The following DNAH3 variants were observed in gnomAD, a reference collection of about 807,000 sequenced individuals.
DNAH3 encodes axonemal beta dynein heavy chain 3.
DNAH3 carries 332 observed loss-of-function variants against 432.5 expected under a neutral mutation model. The ratio of observed to expected loss-of-function variants is 0.77; its 90% CI spans 0.70 to 0.84. The LOEUF is 0.84. Ranked by LOEUF, DNAH3 falls within the 40% of genes least tolerant of loss-of-function variation. The pLI, the probability that DNAH3 is intolerant of heterozygous loss-of-function variation, is 0.00. For missense variants in DNAH3, 4,861 were observed against 5,114.0 expected (o/e 0.95, Z 1.51); for synonymous variants, 1,956 against 1,900.2 (o/e 1.03, Z -0.76).
intron 30 of DNAH3, 108 bp from the exon 31 acceptor site, chr16:21,049,790 G>A: frequency 7.4e-7 from 1 of 1,343,884 alleles, no homozygotes. Context: ...TCTGCTTGAA[G>A]GAGCTGGGGC....
intron 11 of DNAH3, 31 bp from the exon 12 acceptor site, chr16:21,117,370 C>G: frequency 7.8e-7 from 1 of 1,277,092 alleles, no homozygotes; most frequent in African/African-American, 1.5e-5. Flanking sequence ...TTGCATGTTG[C>G]AAGACTTAAG....
At chr16:21,136,366 C>G (rs1187274300) in exon 6 of DNAH3, 2 of 1,614,034 alleles carry the variant, frequency 1.2e-6, no homozygotes, top group Non-Finnish European at 1.7e-6. Flanking sequence ...TTCTCCTTCT[C>G]CTGCACGAGG....
At chr16:20,963,485 A>G (rs1254941159) in exon 53 of DNAH3, 1 of 1,614,164 alleles carries the variant, frequency 6.2e-7, no homozygotes, top group Non-Finnish European at 8.5e-7. Context: ...AATCCTTGAG[A>G]GAACTTCCAA....
rs111573522 is a variant in DNAH3, at chr16:20,988,945, C to T, written c.6602-880G>A. 6.6e-3 allele frequency among the ~76,000 whole-genome samples: 1,003 copies of T among 152,182 alleles called. 11 individuals are homozygous for T. The highest frequency in any genetic ancestry group is 0.023 in the African/African-American group (946 of 41,518). On this transcript the variant is annotated intron_variant, in intron 44 of 61. Coordinates refer to ENST00000261383, the Ensembl canonical transcript of DNAH3. The stretch of plus-strand genomic sequence containing the variant: ...CATGTCTGGAGTTATTCGTTCCTCC[C>T]GGTGGACTCGTGGTCTCGCTGGCTT...
intron 23 of DNAH3, among the ~76,000 whole-genome samples, chr16:21,067,804 T>TGAGAGA (rs1555545880): frequency 1.3e-5 from 1 of 75,660 alleles, no homozygotes; most frequent in African/African-American, 5.2e-5. Flanking sequence ...AGAGAGAGAC[T>TGAGAGA]GACTAAGGCA....
chr16:20,947,116 C>T (rs1490949194), intron 57 of DNAH3, among the ~76,000 whole-genome samples: 1 of 152,060 alleles, frequency 6.6e-6, no homozygotes, highest in African/African-American at 2.4e-5. Flanking sequence ...TGAGCCACTG[C>T]ACCTGACCTG....
chr16:21,104,626 C>T (rs2091907645), intron 15 of DNAH3, 32 bp from the exon 16 acceptor site: 1 of 1,330,410 alleles, frequency 7.5e-7, no homozygotes, highest in Non-Finnish European at 1.1e-6. Flanking sequence ...CTCCAGGACA[C>T]TGTTTAGCAT....
In DNAH3 at chr16:21,049,593, G is replaced by A. The variant is rs746058882; in HGVS notation, c.4437C>T (p.Cys1479=). 4 of 1,614,144 alleles carry A rather than the reference G, an allele frequency of 2.5e-6. No individual in the cohort carries two copies. In the Admixed American group the frequency reaches 6.7e-5, roughly 27 times the overall value. ...CCTCGATCCTGTTGAACTCATCAAA[G>A]CACGCCCATGCTCCAGCCTGTGCCA... Residue 1479 remains cysteine (C), a synonymous_variant, in exon 31 of 62, where the codon TGC becomes TGT. Coordinates refer to ENST00000261383, the Ensembl canonical transcript of DNAH3.
In DNAH3 at chr16:21,039,876, G is replaced by A; in HGVS notation, c.4706C>T (p.Ser1569Phe). 3.7e-6 allele frequency: 6 copies of A among 1,613,582 alleles called. No individual in the cohort carries two copies. The highest frequency in any genetic ancestry group is 2.2e-5 in the South Asian group (2 of 91,068). Residue 1569 changes from serine to phenylalanine, a missense_variant, in exon 33 of 62, where the codon TCC becomes TTC. Ser to Phe is a radical substitution (Grantham distance 155). Transcript: ENST00000261383. Reference sequence around the variant, plus strand: ...CCTTCTGGAGTCCAGAAACCCCATGGAGTAGAGGGAGATTTCTCCAATGAG... The same window carrying A: ...CCTTCTGGAGTCCAGAAACCCCATGAAGTAGAGGGAGATTTCTCCAATGAG...
intron 41 of DNAH3, among the ~76,000 whole-genome samples, chr16:21,017,558 AC>A (rs897014437): frequency 6.6e-6 from 1 of 152,172 alleles, no homozygotes; most frequent in Non-Finnish European, 1.5e-5. Flanking sequence ...CACCTCACAT[AC>A]GTTGATTGAT....
chr16:21,150,806 CTT>C (rs2092844873), intron 1 of DNAH3: 1 of 154,292 alleles, frequency 6.5e-6, no homozygotes, highest in Non-Finnish European at 1.4e-5. Flanking sequence ...TCCCTGGACT[CTT>C]AACACTGGCA....
intron 51 of DNAH3, among the ~76,000 whole-genome samples, chr16:20,970,642 ATTGT>A (rs947128602): frequency 2.6e-5 from 4 of 152,294 alleles, no homozygotes; most frequent in East Asian, 1.9e-4. Flanking sequence ...GAGCAATCGG[ATTGT>A]TTGAGAGGTA....
rs560291777 is a variant in DNAH3 at position 21,046,804 on chromosome 16, C to T, written c.4461+2765G>A. Among the ~76,000 whole-genome samples the T allele has an allele frequency of 5.0e-3, 755 of 152,108 alleles. 4 individuals are homozygous for T. Among genetic ancestry groups the T allele is most frequent in the Middle Eastern group, 0.027 (8 of 294 alleles). On this transcript the variant is annotated intron_variant, in intron 31 of 61. Transcript: ENST00000261383. ...TTTACATTTTGGCATGATTTCGCAG[C>T]GGCTGGTACCGGTTGTTCCTTTCCA... is the stretch of plus-strand genomic sequence containing the variant.
intron 53 of DNAH3, among the ~76,000 whole-genome samples, chr16:20,960,224 A>G (rs1480342961): frequency 1.3e-5 from 2 of 152,288 alleles, no homozygotes; most frequent in East Asian, 3.9e-4. Flanking sequence ...TCATGGATAC[A>G]TAGTATATCA....
intron 42 of DNAH3, 32 bp from the exon 43 acceptor site, chr16:21,000,550 T>G: frequency 6.4e-7 from 1 of 1,556,454 alleles, no homozygotes; most frequent in Non-Finnish European, 8.7e-7. Context: ...GAGTCTCGGT[T>G]GTGGGCCCAG....
chr16:21,104,071 C>A, intron 16 of DNAH3: 1 of 186,502 alleles, frequency 5.4e-6, no homozygotes, highest in South Asian at 1.2e-4. Flanking sequence ...GCAAAATAGG[C>A]AATTTCTCAG....
intron 3 of DNAH3, among the ~76,000 whole-genome samples, chr16:21,142,062 TA>T (rs2092726148): frequency 6.8e-6 from 1 of 148,032 alleles, no homozygotes; most frequent in South Asian, 2.1e-4. Flanking sequence ...CAAAAATAAA[TA>T]AATAAAATAA....
In DNAH3 at chr16:20,975,207, C is replaced by T. The variant is rs2085530125; in HGVS notation, c.8259+26G>A. The T allele has an allele frequency of 2.5e-6, 4 of 1,610,470 alleles. No homozygotes were observed. In the South Asian group the frequency reaches 4.4e-5, roughly 18 times the overall value. ...CACGCTCATTCGGCAGCACCAGTTC[C>T]CTCCCTTTCTTCTCAGTCTTTCTAC... On this transcript the variant is annotated intron_variant, in intron 51 of 61. Transcript: ENST00000261383.
intron 14 of DNAH3, among the ~76,000 whole-genome samples, chr16:21,107,763 G>A (rs1358347692): frequency 6.6e-6 from 1 of 152,172 alleles, no homozygotes; most frequent in African/African-American, 2.4e-5. Context: ...ACAATTAGAA[G>A]CAAATCATCC....
Sources: gnomAD v4.1 joint callset for allele counts (sites outside exome capture counted in the v4.1 genomes callset) on GRCh38, gnomAD v4.1.1 for gene constraint, MANE v1.5 for transcripts, NCBI Gene and HGNC (gene_info 2026-07-23, HGNC 2026-07-21) for gene names.